Variants in ERMP1 observed in about 807,000 individuals in gnomAD.
The protein encoded by ERMP1 is endoplasmic reticulum metallopeptidase 1.
Under a neutral mutation model 92.0 loss-of-function variants are expected in ERMP1, and 86 were observed. That is an observed-to-expected ratio of 0.93 (90% confidence interval 0.79 to 1.12). The LOEUF (loss-of-function observed/expected upper bound fraction) is 1.12, where lower values mean the gene tolerates loss of function less well. Ranked by LOEUF, ERMP1 falls within the 50% of genes most tolerant of loss-of-function variation. ERMP1 has a pLI of 0.00. For synonymous variants in ERMP1, 530 were observed against 412.8 expected (o/e 1.28, Z -3.44); for missense variants, 1,342 against 1,116.3 (o/e 1.20, Z -2.88).
At chr9:5,809,165 G>T (rs1828989754) in intron 8 of ERMP1, among the ~76,000 whole-genome samples, 1 of 152,102 alleles carries the variant, frequency 6.6e-6, no homozygotes, top group East Asian at 1.9e-4. Flanking sequence ...GGGACTACAG[G>T]CGCCGCCACC....
chr9:5,836,063 C>T (rs547167832), upstream of ERMP1, among the ~76,000 whole-genome samples: 155 of 152,244 alleles, frequency 1.0e-3, no homozygotes, highest in South Asian at 0.013. Context: ...CTTGTGTCTC[C>T]CTTTATGACA....
upstream of ERMP1, among the ~76,000 whole-genome samples, chr9:5,836,578 G>A (rs528961596): frequency 6.6e-6 from 1 of 152,338 alleles, no homozygotes; most frequent in Non-Finnish European, 1.5e-5. Flanking sequence ...GGTGGTATGA[G>A]AGTGAACCAG....
chr9:5,861,414 G>T (rs950011616), intron 5 of ERMP1, among the ~76,000 whole-genome samples: 4 of 151,088 alleles, frequency 2.6e-5, no homozygotes, highest in Admixed American at 6.6e-5. Context: ...TACTTGCTGG[G>T]TTTTTTTTTA....
In ERMP1 at chr9:5,810,167, G is replaced by A; in HGVS notation, c.1392C>T (p.Ser464=). 1 of 1,614,048 alleles carries A rather than the reference G, an allele frequency of 6.2e-7. No individual in the cohort carries two copies. The highest frequency in any genetic ancestry group is 2.2e-5 in the East Asian group (1 of 44,868). ...LGITLISWFT[S]LVTVLIIAVF... ...CTGCTATAATGAGAACGGTAACAAG[G>A]CTAGTGAACCAGCTGATCAAAGTGA... Residue 464 remains serine (S), a synonymous_variant, in exon 8 of 15, where the codon AGC becomes AGT. Coordinates refer to ENST00000339450, the MANE Select transcript of ERMP1 (RefSeq NM_024896.3).
chr9:5,829,923 A>G (rs1388924183), intron 2 of ERMP1, among the ~76,000 whole-genome samples: 1 of 152,220 alleles, frequency 6.6e-6, no homozygotes, highest in Non-Finnish European at 1.5e-5. Flanking sequence ...TAATAAATGG[A>G]AGTTCAATTT....
intron 6 of ERMP1, 37 bp downstream of exon 6, chr9:5,812,088 C>G (rs780481264): frequency 4.9e-6 from 6 of 1,232,044 alleles, no homozygotes; most frequent in Non-Finnish European, 7.1e-6. Context: ...AACATTCCAT[C>G]TTAGTGTATA....
chr9:5,808,373 C>G (rs1828948856), intron 8 of ERMP1, among the ~76,000 whole-genome samples: 1 of 152,188 alleles, frequency 6.6e-6, no homozygotes, highest in South Asian at 2.1e-4. Flanking sequence ...AATTGAGCCC[C>G]ACGGTATAAT....
rs919353141 is a variant in ERMP1, at chr9:5,787,262, G to A, written c.2597C>T (p.Ala866Val). The change falls in exon 15 of 15, where the codon GCC (alanine) becomes GTC (valine). Residue 866 changes from alanine to valine, a missense_variant. Transcript: ENST00000339450. ...CTTGTCTTCCCCAGACAGATAGTGG[G>A]CAGCAATGGCCACGGTGACCATTCC... ...PEGMVTVAIA[A>V]HYLSGEDKRS... 6 of 1,613,890 alleles carry A rather than the reference G, an allele frequency of 3.7e-6. No individual in the cohort carries two copies. Among genetic ancestry groups the A allele is most frequent in the Non-Finnish European group, 5.1e-6 (6 of 1,179,982 alleles).
upstream of ERMP1, among the ~76,000 whole-genome samples, chr9:5,837,486 G>A (rs1263855921): frequency 1.3e-5 from 2 of 151,950 alleles, no homozygotes; most frequent in Admixed American, 6.6e-5. Flanking sequence ...AAAGACAAGT[G>A]GAAGATATCA....
intron 5 of ERMP1, among the ~76,000 whole-genome samples, chr9:5,863,374 T>G (rs1027381317): frequency 2.0e-5 from 3 of 152,186 alleles, no homozygotes; most frequent in Non-Finnish European, 2.9e-5. Context: ...ACAACATTCT[T>G]ATGTCTAAAC....
intron 6 of ERMP1, among the ~76,000 whole-genome samples, chr9:5,838,125 A>T (rs1219942939): frequency 2.6e-5 from 4 of 152,204 alleles, no homozygotes; most frequent in African/African-American, 2.4e-5. Context: ...GCTATTTTTT[A>T]AAATTATAAT....
chr9:5,859,091 T>C (rs1288755814), intron 6 of ERMP1, among the ~76,000 whole-genome samples: 1 of 152,214 alleles, frequency 6.6e-6, no homozygotes, highest in African/African-American at 2.4e-5. Context: ...AAGAGGTGAA[T>C]TTAGACTTGA....
At chr9:5,850,582 T>G (rs992546549) in intron 6 of ERMP1, among the ~76,000 whole-genome samples, 4 of 152,080 alleles carry the variant, frequency 2.6e-5, no homozygotes, top group Non-Finnish European at 4.4e-5. Flanking sequence ...CTGAAAATGC[T>G]CACTGTCAGT....
Position 5,824,007 on chromosome 9 carries a change from A to C in ERMP1, c.769-6T>G. 6.3e-7 allele frequency: 1 copy of C among 1,598,138 alleles called. No individual in the cohort carries two copies. Among genetic ancestry groups the C allele is most frequent in the Non-Finnish European group, 8.5e-7 (1 of 1,170,008 alleles). Reference sequence around the variant, plus strand: ...GTAATGAAACCATGACTGGCCTTAAAGAGAAGGAAAGAAAACAAATATTTG... The same window carrying C: ...GTAATGAAACCATGACTGGCCTTAACGAGAAGGAAAGAAAACAAATATTTG... On this transcript the variant is annotated splice_region_variant and splice_polypyrimidine_tract_variant and intron_variant, in intron 3 of 14. Transcript: ENST00000339450.
chr9:5,833,619 A>G (rs564751817), upstream of ERMP1, among the ~76,000 whole-genome samples: 3 of 152,362 alleles, frequency 2.0e-5, no homozygotes, highest in Non-Finnish European at 4.4e-5. Context: ...TTTATTGAAT[A>G]CCTGCTATGA....
chr9:5,814,278 G>T (rs183606385), intron 4 of ERMP1, among the ~76,000 whole-genome samples: 227 of 152,216 alleles, frequency 1.5e-3, no homozygotes, highest in African/African-American at 5.2e-3. Flanking sequence ...AATGCAACAC[G>T]AGCAAGAAAT....
intron 6 of ERMP1, among the ~76,000 whole-genome samples, chr9:5,850,418 A>AAAG (rs1830294737): frequency 6.6e-6 from 1 of 150,524 alleles, no homozygotes; most frequent in Admixed American, 6.6e-5. Context: ...AAAAAAAAAA[A>AAAG]AAAAAAAAAA....
chr9:5,824,605 G>A (rs1768205644), intron 3 of ERMP1, among the ~76,000 whole-genome samples: 1 of 152,090 alleles, frequency 6.6e-6, no homozygotes, highest in South Asian at 2.1e-4. Context: ...GTTTCACCAT[G>A]TTGGCCAGGC....
chr9:5,799,107 G>A (rs1828567584), intron 11 of ERMP1, 99 bp from the exon 12 acceptor site: 4 of 775,822 alleles, frequency 5.2e-6, no homozygotes, highest in South Asian at 1.7e-5. Flanking sequence ...AAGAAATGAT[G>A]TGGATATGGA....
Sources: gnomAD v4.1 joint callset for allele counts (sites outside exome capture counted in the v4.1 genomes callset) on GRCh38, gnomAD v4.1.1 for gene constraint, MANE v1.5 for transcripts, NCBI Gene and HGNC (gene_info 2026-07-23, HGNC 2026-07-21) for gene names.